The following CALHM5 variants were observed in gnomAD, a reference collection of about 807,000 sequenced individuals.
The protein encoded by CALHM5 is calcium homeostasis modulator protein 5.
In CALHM5, 17 loss-of-function variants were observed where a neutral mutation model predicts 20.9. The ratio of observed to expected loss-of-function variants is 0.82; its 90% CI spans 0.56 to 1.22. CALHM5 has a LOEUF of 1.22. Ranked by LOEUF, CALHM5 falls within the 50% of genes most tolerant of loss-of-function variation. The pLI is 0.00. For synonymous variants in CALHM5, 148 were observed against 140.0 expected (o/e 1.06, Z -0.40); for missense variants, 360 against 364.6 (o/e 0.99, Z 0.10).
rs1052743677 is a variant in CALHM5, at chr6:116,519,765, A to C, written c.*3776A>C. 9 of 152,248 alleles carry C rather than the reference A, an allele frequency of 5.9e-5. No individual in the cohort carries two copies. The highest frequency in any genetic ancestry group is 2.2e-4 in the African/African-American group (9 of 41,462). 9.4% of individuals were successfully genotyped at this position (152,248 alleles called of 1,614,324 possible). ...CTTTCCCATACAAGGAATATACTCAAGGAAAAATTTCATGGCACAAAATGC... is the reference window on the plus strand; with the variant it reads ...CTTTCCCATACAAGGAATATACTCACGGAAAAATTTCATGGCACAAAATGC... On this transcript the variant is annotated 3_prime_UTR_variant, in exon 2 of 2. Coordinates refer to ENST00000368599, the MANE Select transcript of CALHM5 (RefSeq NM_153711.5).
chr6:116,520,054 A>G lies in CALHM5; in HGVS notation c.*4065A>G, dbSNP rs1293825079. ...AATGTATTGTAAAATATATGTGTCC[A>G]AAGCAACTTTTAAAATTTTTGTATG... On this transcript the variant is annotated 3_prime_UTR_variant, in exon 2 of 2. Coordinates refer to ENST00000368599, the MANE Select transcript of CALHM5 (RefSeq NM_153711.5). 1 of 152,212 alleles carries G rather than the reference A, an allele frequency of 6.6e-6. No individual in the cohort carries two copies. Among genetic ancestry groups the G allele is most frequent in the Admixed American group, 6.5e-5 (1 of 15,268 alleles). 9.4% of individuals were successfully genotyped at this position (152,212 alleles called of 1,614,324 possible). A position where few individuals can be genotyped will look rare whatever the true frequency, so the allele number is the denominator to read the frequency against.
Position 116,518,554 on chromosome 6 carries a change from G to A in CALHM5, c.*2565G>A, listed in dbSNP as rs1019642619. 1 of 152,172 alleles carries A rather than the reference G, an allele frequency of 6.6e-6. No homozygotes were observed. The highest frequency in any genetic ancestry group is 1.9e-4 in the East Asian group (1 of 5,190). The allele number at this position is 152,172 out of a possible 1,614,324, so 9.4% of individuals were successfully genotyped here. On this transcript the variant is annotated 3_prime_UTR_variant, in exon 2 of 2. Transcript: ENST00000368599. ...AAAGGGAGAGAAAATTCAGCAAAGA[G>A]TTCTCCTTCTTAATCTTTCTTGACT...
chr6:116,513,671 T>G (rs1161430253), intron 1 of CALHM5, among the ~76,000 whole-genome samples: 5 of 152,180 alleles, frequency 3.3e-5, no homozygotes, highest in African/African-American at 1.2e-4. Context: ...CAATAGCAGG[T>G]GCTGACTACA....
At position 116,523,817 on chromosome 6, in the gene CALHM5, A is replaced by G. The variant is rs1772391081; in HGVS notation, c.*7828A>G. 6.6e-6 allele frequency: 1 copy of G among 152,222 alleles called. No individual in the cohort carries two copies. Among genetic ancestry groups the G allele is most frequent in the Non-Finnish European group, 1.5e-5 (1 of 68,030 alleles). 9.4% of individuals were successfully genotyped at this position (152,222 alleles called of 1,614,324 possible). On this transcript the variant is annotated 3_prime_UTR_variant, in exon 2 of 2. Transcript: ENST00000368599. ...CAATTAGCACCACAAAAAAACAACC[A>G]GGTACATCTAGATCTAACAGAACAT...
rs1399817551 is a variant in CALHM5 at position 116,520,205 on chromosome 6, G to C, written c.*4216G>C. On this transcript the variant is annotated 3_prime_UTR_variant, in exon 2 of 2. Coordinates refer to ENST00000368599, the MANE Select transcript of CALHM5 (RefSeq NM_153711.5). ...ATCCACTGATTTACTCTAAAAACTG[G>C]TTAAAGCAATCCAGAAGTCACTGGG... The C allele has an allele frequency of 6.6e-6, 1 of 152,086 alleles. No homozygotes were observed. Among genetic ancestry groups the C allele is most frequent in the Non-Finnish European group, 1.5e-5 (1 of 68,022 alleles). The allele number at this position is 152,086 out of a possible 1,614,324, so 9.4% of individuals were successfully genotyped here. A position where few individuals can be genotyped will look rare whatever the true frequency, so the allele number is the denominator to read the frequency against.
Position 116,521,197 on chromosome 6 carries a change from A to G in CALHM5, c.*5208A>G, listed in dbSNP as rs1000543462. 6.6e-6 allele frequency: 1 copy of G among 152,038 alleles called. No individual in the cohort carries two copies. The highest frequency in any genetic ancestry group is 1.5e-5 in the Non-Finnish European group (1 of 68,018). 9.4% of individuals were successfully genotyped at this position (152,038 alleles called of 1,614,324 possible). ...ACAAAACATGACAAATATATAACAA[A>G]ATATATGTGCTATATATATTGTGTG... On this transcript the variant is annotated 3_prime_UTR_variant, in exon 2 of 2. Transcript: ENST00000368599.
rs1772319254 is a variant in CALHM5, at chr6:116,520,829, AAG to A, written c.*4844_*4845del. ...TTTAAAAACTGGCTCTCCAGGAAAAAAGAGACATCCTAATATGATGTATTTGC... is the reference window on the plus strand; with the variant it reads ...TTTAAAAACTGGCTCTCCAGGAAAAAAGACATCCTAATATGATGTATTTGC... On this transcript the variant is annotated 3_prime_UTR_variant, in exon 2 of 2. Transcript: ENST00000368599. The A allele has an allele frequency of 6.6e-6, 1 of 152,140 alleles. No homozygotes were observed. The highest frequency in any genetic ancestry group is 1.5e-5 in the Non-Finnish European group (1 of 68,018). The allele number at this position is 152,140 out of a possible 1,614,324, so 9.4% of individuals were successfully genotyped here. A position where few individuals can be genotyped will look rare whatever the true frequency, so the allele number is the denominator to read the frequency against.
rs1182831743 is a variant in CALHM5 at position 116,517,731 on chromosome 6, G to C, written c.*1742G>C. 6.6e-6 allele frequency: 1 copy of C among 152,172 alleles called. No homozygotes were observed. The highest frequency in any genetic ancestry group is 2.4e-5 in the African/African-American group (1 of 41,444). The allele number at this position is 152,172 out of a possible 1,614,324, so 9.4% of individuals were successfully genotyped here. A position where few individuals can be genotyped will look rare whatever the true frequency, so the allele number is the denominator to read the frequency against. On this transcript the variant is annotated 3_prime_UTR_variant, in exon 2 of 2. Coordinates refer to ENST00000368599, the MANE Select transcript of CALHM5 (RefSeq NM_153711.5). Reference sequence around the variant, plus strand: ...ACGCGAATGAGATGACTGATAGTTAGGGGCTTCTGAATGGCCTCAGAATAG... The same window carrying C: ...ACGCGAATGAGATGACTGATAGTTACGGGCTTCTGAATGGCCTCAGAATAG...
At position 116,517,943 on chromosome 6, in the gene CALHM5, G is replaced by C. The variant is rs958833316; in HGVS notation, c.*1954G>C. 9 of 152,204 alleles carry C rather than the reference G, an allele frequency of 5.9e-5. No homozygotes were observed. The highest frequency in any genetic ancestry group is 2.2e-4 in the African/African-American group (9 of 41,454). The allele number at this position is 152,204 out of a possible 1,614,324, so 9.4% of individuals were successfully genotyped here. ...AAAGGACAAGGTTCAGAGAGCTTCT[G>C]CATTGCTCAATACATGAGGAGTGGT... On this transcript the variant is annotated 3_prime_UTR_variant, in exon 2 of 2. Coordinates refer to ENST00000368599, the MANE Select transcript of CALHM5 (RefSeq NM_153711.5).
chr6:116,513,099 G>C (rs1300019708), intron 1 of CALHM5, among the ~76,000 whole-genome samples: 2 of 152,140 alleles, frequency 1.3e-5, no homozygotes, highest in Non-Finnish European at 2.9e-5. Context: ...AAAACAAGTG[G>C]TAAGAGTTGA....
chr6:116,511,914 C>A lies in CALHM5; in HGVS notation c.218C>A (p.Ser73Ter), dbSNP rs748229444. 1.4e-5 allele frequency: 22 copies of A among 1,613,846 alleles called. No homozygotes were observed. Among genetic ancestry groups the A allele is most frequent in the Non-Finnish European group, 1.7e-5 (20 of 1,179,988 alleles). Reference protein sequence around the residue: ...LILGFFLNNRSWRLFTGCCVN... With the variant: ...LILGFFLNNR ...CTGGGATTCTTTCTGAACAATAGGT[C>A]GTGGAGACTCTTCACAGGCTGCTGT... The change falls in exon 1 of 2, where the codon TCG becomes TAG. Residue 73 changes from serine (S) to a stop codon, truncating the protein, a stop_gained. Coordinates refer to ENST00000368599, the MANE Select transcript of CALHM5 (RefSeq NM_153711.5). LOFTEE classifies it high-confidence loss of function.
At chr6:116,513,199 C>T (rs1287164576) in intron 1 of CALHM5, among the ~76,000 whole-genome samples, 1 of 152,138 alleles carries the variant, frequency 6.6e-6, no homozygotes, top group African/African-American at 2.4e-5. Flanking sequence ...CAAGGATTTG[C>T]CTTGGTAACA....
chr6:116,515,665 C>T lies in CALHM5; in HGVS notation c.606C>T (p.Arg202=). 1 of 1,613,982 alleles carries T rather than the reference C, an allele frequency of 6.2e-7. No homozygotes were observed. Among genetic ancestry groups the T allele is most frequent in the South Asian group, 1.1e-5 (1 of 91,074 alleles). ...CTCTGCTCACCACATGTTATGCTCG[C>T]TGCCGATCTAAAGTTAGCTACCTTC... ...FFSLLTTCYA[R]CRSKVSYLQL... The change falls in exon 2 of 2, where the codon CGC becomes CGT. Residue 202 remains arginine, a synonymous_variant. Coordinates refer to ENST00000368599, the MANE Select transcript of CALHM5 (RefSeq NM_153711.5).
In CALHM5 at chr6:116,522,140, C is replaced by A. The variant is rs9400930; in HGVS notation, c.*6151C>A. The A allele has an allele frequency of 1.3e-5, 2 of 152,086 alleles. No individual in the cohort carries two copies. Among genetic ancestry groups the A allele is most frequent in the African/African-American group, 4.8e-5 (2 of 41,388 alleles). 9.4% of individuals were successfully genotyped at this position (152,086 alleles called of 1,614,324 possible). ...TTAAACATTCAGGCCCCAGTGTACA[C>A]GACATGGAGAAGAACCAGGAAGTCC... On this transcript the variant is annotated 3_prime_UTR_variant, in exon 2 of 2. Transcript: ENST00000368599.
Position 116,512,209 on chromosome 6 carries a change from G to T in CALHM5, c.513G>T (p.Leu171=). 6.2e-7 allele frequency: 1 copy of T among 1,603,910 alleles called. No individual in the cohort carries two copies. Among genetic ancestry groups the T allele is most frequent in the South Asian group, 1.1e-5 (1 of 91,042 alleles). Reference sequence around the variant, plus strand: ...TGCTACCTACCGTCAATGAAGAACTGAAACTCTCCCTTCAGGCCCAGTCTC... The same window carrying T: ...TGCTACCTACCGTCAATGAAGAACTTAAACTCTCCCTTCAGGCCCAGTCTC... ...TSMLPTVNEE[L]KLSLQAQSQI... The change falls in exon 1 of 2, where the codon CTG becomes CTT. Residue 171 remains leucine, a synonymous_variant. Coordinates refer to ENST00000368599, the MANE Select transcript of CALHM5 (RefSeq NM_153711.5).
At chr6:116,513,289 A>G (rs1272275180) in intron 1 of CALHM5, among the ~76,000 whole-genome samples, 1 of 152,242 alleles carries the variant, frequency 6.6e-6, no homozygotes, top group Non-Finnish European at 1.5e-5. Flanking sequence ...TCATAAATTG[A>G]TAAGTCAAAA....
rs1772242530 is a variant in CALHM5, at chr6:116,517,052, A to T, written c.*1063A>T. The T allele has an allele frequency of 6.6e-6, 1 of 152,204 alleles. No individual in the cohort carries two copies. The highest frequency in any genetic ancestry group is 2.1e-4 in the South Asian group (1 of 4,834). The allele number at this position is 152,204 out of a possible 1,614,324, so 9.4% of individuals were successfully genotyped here. On this transcript the variant is annotated 3_prime_UTR_variant, in exon 2 of 2. Coordinates refer to ENST00000368599, the MANE Select transcript of CALHM5 (RefSeq NM_153711.5). ...TTTCCAGGTTGCAAACTGCTTGCTG[A>T]CTTCTCAGTGTCCTTCCATGGTGGA...
Position 116,515,736 on chromosome 6 carries a change from TG to T in CALHM5, c.679del (p.Glu227LysfsTer11), listed in dbSNP as rs762829946. The stretch of plus-strand genomic sequence containing the variant: ...TATGCACAAAAGGAGAAGGAGCAGT[TG>T]GAAAATACATTTCTGGACTATGCCA... ...KTYAQKEKEQ[L>X]ENTFLDYANK... is the part of the protein sequence containing the mutation. On this transcript the variant is annotated frameshift_variant, in exon 2 of 2. Coordinates refer to ENST00000368599, the MANE Select transcript of CALHM5 (RefSeq NM_153711.5). LOFTEE classifies it high-confidence loss of function. 6.2e-7 allele frequency: 1 copy of T among 1,614,014 alleles called. No homozygotes were observed. Among genetic ancestry groups the T allele is most frequent in the South Asian group, 1.1e-5 (1 of 91,082 alleles).
Position 116,513,574 on chromosome 6 carries a change from C to T in CALHM5, c.540+1338C>T, listed in dbSNP as rs980351413. On this transcript the variant is annotated intron_variant, in intron 1 of 1. Transcript: ENST00000368599. ...TCATAGCTTAGGCTGAGCACACTGACCTGCTGATTCTTCATCAGAATGAGA... is the reference window on the plus strand; with the variant it reads ...TCATAGCTTAGGCTGAGCACACTGATCTGCTGATTCTTCATCAGAATGAGA... Among the ~76,000 whole-genome samples, 7 of 152,294 alleles carry T rather than the reference C, an allele frequency of 4.6e-5. No individual in the cohort carries two copies. The South Asian group carries it at 6.2e-4, about 14-fold the overall frequency.
Sources: allele counts gnomAD v4.1 joint callset (sites outside exome capture counted in the v4.1 genomes callset), GRCh38; gene constraint gnomAD v4.1.1; transcripts MANE v1.5; gene names NCBI Gene and HGNC (gene_info 2026-07-23, HGNC 2026-07-21).